Variants in LRRC28 observed in about 807,000 individuals in gnomAD.
LRRC28 encodes leucine-rich repeat-containing protein 28.
A neutral mutation model predicts 45.7 loss-of-function variants in LRRC28; 39 were observed. The observed-to-expected ratio is 0.85, with a 90% CI of 0.66 to 1.12. The LOEUF (loss-of-function observed/expected upper bound fraction) is 1.12. Among genes scored for constraint, LRRC28 ranks in the 50% most tolerant of loss-of-function variants. LRRC28 has a pLI of 0.00. For synonymous variants in LRRC28, 206 were observed against 178.8 expected, an observed-to-expected ratio of 1.15 and a Z score of -1.22; for missense variants, 435 against 438.5, an observed-to-expected ratio of 0.99 and a Z score of 0.07.
chr15:99,343,867 A>C (rs1421301477), intron 6 of LRRC28, among the ~76,000 whole-genome samples: 1 of 152,210 alleles, frequency 6.6e-6, no homozygotes, highest in East Asian at 1.9e-4. Context: ...TTCGTATTTC[A>C]GCCTCATAAT....
At chr15:99,321,834 A>G (rs946218805) in intron 5 of LRRC28, among the ~76,000 whole-genome samples, 1 of 152,238 alleles carries the variant, frequency 6.6e-6, no homozygotes, top group African/African-American at 2.4e-5. Context: ...CCCTGTTCTT[A>G]TGAAATTTAT....
intron 5 of LRRC28, among the ~76,000 whole-genome samples, chr15:99,323,895 G>A (rs760538981): frequency 2.6e-5 from 4 of 152,060 alleles, no homozygotes; most frequent in Non-Finnish European, 5.9e-5. Context: ...AAGTTGCATG[G>A]CCAATAAGTA....
intron 3 of LRRC28, 66 bp from the exon 4 acceptor site, chr15:99,287,191 T>C: frequency 1.4e-6 from 2 of 1,393,034 alleles, no homozygotes; most frequent in East Asian, 5.1e-5. Context: ...GTGAGCATTT[T>C]ATAAACTGAT....
intron 2 of LRRC28, among the ~76,000 whole-genome samples, chr15:99,260,397 A>G (rs1597154677): frequency 6.6e-6 from 1 of 152,366 alleles, no homozygotes; most frequent in East Asian, 1.9e-4. Flanking sequence ...TTATGGTAAT[A>G]CATTTTATTT....
chr15:99,375,916 A>T (rs1018664515), intron 9 of LRRC28, among the ~76,000 whole-genome samples: 1 of 151,786 alleles, frequency 6.6e-6, no homozygotes, highest in Admixed American at 6.6e-5. Flanking sequence ...GATTGATTTC[A>T]TTGGTTTCTC....
At chr15:99,372,875 A>G (rs556060855) in intron 9 of LRRC28, among the ~76,000 whole-genome samples, 16 of 152,264 alleles carry the variant, frequency 1.1e-4, no homozygotes, top group Admixed American at 2.6e-4. Flanking sequence ...AAACTTAACA[A>G]TCATGGCTCG....
chr15:99,364,997 C>T (rs1957302589), intron 9 of LRRC28, among the ~76,000 whole-genome samples: 1 of 152,138 alleles, frequency 6.6e-6, no homozygotes, highest in African/African-American at 2.4e-5. Context: ...CTATAGAAGA[C>T]ATTTCCTTAT....
chr15:99,350,692 A>G (rs1390630787), intron 6 of LRRC28, among the ~76,000 whole-genome samples: 1 of 152,162 alleles, frequency 6.6e-6, no homozygotes, highest in Non-Finnish European at 1.5e-5. Context: ...TGACTTTCCT[A>G]AACTAAAGAA....
intron 5 of LRRC28, among the ~76,000 whole-genome samples, chr15:99,310,821 A>G (rs1052153999): frequency 6.6e-5 from 10 of 152,232 alleles, no homozygotes; most frequent in Non-Finnish European, 2.9e-5. Context: ...TGTTTCACGC[A>G]ATACGGCTGT....
At chr15:99,381,507 C>T (rs1049340138) in intron 9 of LRRC28, among the ~76,000 whole-genome samples, 1 of 152,122 alleles carries the variant, frequency 6.6e-6, no homozygotes, top group East Asian at 1.9e-4. Context: ...GAAGTTTGAT[C>T]TTCTGAAGCC....
chr15:99,385,685 C>T (rs972005038), intron 9 of LRRC28, among the ~76,000 whole-genome samples: 1 of 150,400 alleles, frequency 6.6e-6, no homozygotes, highest in Non-Finnish European at 1.5e-5. Flanking sequence ...GACTTCAATT[C>T]TGTGATTGCG....
chr15:99,337,235 G>T (rs573349769), intron 6 of LRRC28, among the ~76,000 whole-genome samples: 4 of 152,348 alleles, frequency 2.6e-5, no homozygotes, highest in African/African-American at 7.2e-5. Flanking sequence ...TGGCAGTGTT[G>T]TTGGGAGAAT....
At chr15:99,285,587 G>A in intron 3 of LRRC28, 2 of 726,664 alleles carry the variant, frequency 2.8e-6, no homozygotes, top group South Asian at 1.7e-5. Flanking sequence ...GACGGCAGGG[G>A]GAGGAGAGAC....
intron 5 of LRRC28, among the ~76,000 whole-genome samples, chr15:99,304,366 C>A (rs767644040): frequency 4.6e-5 from 7 of 151,612 alleles, no homozygotes; most frequent in Non-Finnish European, 7.4e-5. Flanking sequence ...ATTGGGGTGT[C>A]TTTTGAAGAG....
chr15:99,251,787 G>C (rs1258797941), intron 1 of LRRC28: 4 of 152,302 alleles, frequency 2.6e-5, no homozygotes, highest in Non-Finnish European at 5.9e-5. Flanking sequence ...TGGGCTCGCT[G>C]CTTCCCAACT....
intron 2 of LRRC28, chr15:99,260,061 G>A: frequency 1.8e-6 from 1 of 540,680 alleles, no homozygotes; most frequent in African/African-American, 1.9e-5. Context: ...GAGAGGGAAT[G>A]TGAAATGTAA....
chr15:99,320,493 G>A (rs144309360), intron 5 of LRRC28: 1 of 152,252 alleles, frequency 6.6e-6, no homozygotes, highest in Admixed American at 6.5e-5. Context: ...AATAATTGCT[G>A]GATAGGTTCC....
At chr15:99,349,770 T>C (rs1322066043) in intron 6 of LRRC28, among the ~76,000 whole-genome samples, 2 of 151,932 alleles carry the variant, frequency 1.3e-5, no homozygotes, top group African/African-American at 4.8e-5. Context: ...ATGAGAAAAA[T>C]ATTTGAACAG....
At chr15:99,286,847 T>C (rs2081971683) in intron 3 of LRRC28, 1 of 155,806 alleles carries the variant, frequency 6.4e-6, no homozygotes, top group Non-Finnish European at 1.4e-5. Context: ...TTTTGTGAAG[T>C]TATTTTTTAG....
Sources: gnomAD v4.1 joint callset for allele counts (sites outside exome capture counted in the v4.1 genomes callset) on GRCh38, gnomAD v4.1.1 for gene constraint, MANE v1.5 for transcripts, NCBI Gene and HGNC (gene_info 2026-07-23, HGNC 2026-07-21) for gene names.